Variants in LGSN observed in about 807,000 individuals in gnomAD.
LGSN encodes the protein lengsin, lens protein with glutamine synthetase domain.
LGSN carries 21 observed loss-of-function variants against 19.5 expected under a neutral mutation model. The ratio of observed to expected loss-of-function variants is 1.07; its 90% CI spans 0.76 to 1.55. The LOEUF (loss-of-function observed/expected upper bound fraction) is 1.55, where lower values mean the gene tolerates loss of function less well. Ranked by LOEUF, LGSN falls within the 40% of genes most tolerant of loss-of-function variation. LGSN has a pLI of 0.00. For synonymous variants in LGSN, 257 were observed against 215.6 expected (o/e 1.19, Z -1.68); for missense variants, 673 against 608.5 (o/e 1.11, Z -1.12).
chr6:63,342,548 A>G, the LGSN span, among the ~76,000 whole-genome samples: 1 of 152,192 alleles, frequency 6.6e-6, no homozygotes, highest in Non-Finnish European at 1.5e-5. Context: ...AAATATTAGA[A>G]CCATATTTTT....
chr6:63,557,387 G>A, the LGSN span, among the ~76,000 whole-genome samples: 1 of 152,116 alleles, frequency 6.6e-6, no homozygotes, highest in African/African-American at 2.4e-5. Flanking sequence ...CCAACATGGT[G>A]AAACCCTGTC....
the LGSN span, among the ~76,000 whole-genome samples, chr6:63,426,186 G>T: frequency 6.6e-6 from 1 of 152,094 alleles, no homozygotes; most frequent in African/African-American, 2.4e-5. Context: ...AGTGGTGGTT[G>T]TTTCACACTG....
chr6:63,333,780 T>C, the LGSN span, among the ~76,000 whole-genome samples: 4 of 152,168 alleles, frequency 2.6e-5, no homozygotes, highest in African/African-American at 9.7e-5. Context: ...TAAGACACTA[T>C]AATCAAGTGG....
the LGSN span, among the ~76,000 whole-genome samples, chr6:63,545,178 T>C: frequency 6.6e-6 from 1 of 152,216 alleles, no homozygotes; most frequent in African/African-American, 2.4e-5. Flanking sequence ...TTCTATCTTT[T>C]CTTATTTTGA....
At chr6:63,285,891 AT>A in intron 2 of LGSN, 138 bp from the exon 3 acceptor site, 1 of 670,786 alleles carries the variant, frequency 1.5e-6, no homozygotes, top group Non-Finnish European at 2.5e-6. Flanking sequence ...TTAGAGTTGG[AT>A]ATCTTACCTT....
the LGSN span, among the ~76,000 whole-genome samples, chr6:63,461,074 G>T: frequency 6.6e-5 from 10 of 152,182 alleles, no homozygotes; most frequent in African/African-American, 2.4e-4. Context: ...GGTTTTTTGG[G>T]TTTTTTCCCC....
chr6:63,336,561 GTATA>G, the LGSN span, among the ~76,000 whole-genome samples: 8 of 127,578 alleles, frequency 6.3e-5, no homozygotes, highest in South Asian at 2.7e-4. Flanking sequence ...GTGTGTGTGT[GTATA>G]TATATATATA....
the LGSN span, chr6:63,392,740 C>G: frequency 6.6e-6 from 1 of 152,042 alleles, no homozygotes; most frequent in African/African-American, 2.4e-5. Context: ...TATGGAAGTC[C>G]TCGGTAAGGT....
chr6:63,276,160 A>T lies in LGSN; in HGVS notation c.*3861T>A, dbSNP rs1767100882. On this transcript the variant is annotated 3_prime_UTR_variant, in exon 4 of 4. Coordinates refer to ENST00000370657, the MANE Select transcript of LGSN (RefSeq NM_016571.3). ...TTGTCCAGTCATACCTATATCATAAACATATTGGTGAGTGTATTTTGTCAA... is the reference window on the plus strand; with the variant it reads ...TTGTCCAGTCATACCTATATCATAATCATATTGGTGAGTGTATTTTGTCAA... 1.3e-5 allele frequency: 2 copies of T among 152,196 alleles called. No homozygotes were observed. The highest frequency in any genetic ancestry group is 2.9e-5 in the Non-Finnish European group (2 of 68,036). The allele number at this position is 152,196 out of a possible 1,614,324, so 9.4% of individuals were successfully genotyped here.
At chr6:63,560,338 C>CAAA in the LGSN span, among the ~76,000 whole-genome samples, 1 of 50,526 alleles carries the variant, frequency 2.0e-5, no homozygotes, top group Admixed American at 2.0e-4. Flanking sequence ...GACTCCGTCT[C>CAAA]AAAAAAAAAA....
At chr6:63,476,276 C>A in the LGSN span, among the ~76,000 whole-genome samples, 1 of 152,138 alleles carries the variant, frequency 6.6e-6, no homozygotes, top group African/African-American at 2.4e-5. Context: ...ATCTAACAAC[C>A]TCAGCATACA....
chr6:63,387,386 T>G, the LGSN span, among the ~76,000 whole-genome samples: 1 of 152,312 alleles, frequency 6.6e-6, no homozygotes, highest in East Asian at 1.9e-4. Context: ...ACTATTTACA[T>G]AATTTACATA....
chr6:63,342,300 T>C, the LGSN span, among the ~76,000 whole-genome samples: 5 of 152,232 alleles, frequency 3.3e-5, no homozygotes, highest in African/African-American at 7.2e-5. Flanking sequence ...AATTTATACA[T>C]ATTATTTATG....
At chr6:63,467,980 C>T in the LGSN span, among the ~76,000 whole-genome samples, 3 of 152,090 alleles carry the variant, frequency 2.0e-5, no homozygotes, top group African/African-American at 7.2e-5. Context: ...ACGTGAGGCA[C>T]CGGGCCCGGT....
At chr6:63,570,575 TCA>T in the LGSN span, among the ~76,000 whole-genome samples, 1 of 152,200 alleles carries the variant, frequency 6.6e-6, no homozygotes, top group Non-Finnish European at 1.5e-5. Flanking sequence ...ACAACTTGTA[TCA>T]CAAGTTCTAC....
At chr6:63,333,538 CGAAA>C in the LGSN span, among the ~76,000 whole-genome samples, 4 of 120,838 alleles carry the variant, frequency 3.3e-5, no homozygotes, top group South Asian at 2.6e-4. Context: ...AATGAAAGAA[CGAAA>C]GAAAGAAAAA....
the LGSN span, among the ~76,000 whole-genome samples, chr6:63,446,069 T>A: frequency 6.6e-6 from 1 of 151,788 alleles, no homozygotes; most frequent in Non-Finnish European, 1.5e-5. Context: ...GCCAATACGG[T>A]GAAACCCCAT....
the LGSN span, among the ~76,000 whole-genome samples, chr6:63,514,797 C>T: frequency 6.6e-6 from 1 of 152,094 alleles, no homozygotes; most frequent in Non-Finnish European, 1.5e-5. Flanking sequence ...ACCTCCTGGG[C>T]TCCAGTGATC....
the LGSN span, among the ~76,000 whole-genome samples, chr6:63,467,779 C>G: frequency 6.6e-6 from 1 of 152,122 alleles, no homozygotes; most frequent in Non-Finnish European, 1.5e-5. Flanking sequence ...GCAACCTCAG[C>G]CTCCCGGGTT....
Sources: gnomAD v4.1 joint callset for allele counts (sites outside exome capture counted in the v4.1 genomes callset) on GRCh38, gnomAD v4.1.1 for gene constraint, MANE v1.5 for transcripts, NCBI Gene and HGNC (gene_info 2026-07-23, HGNC 2026-07-21) for gene names.